Variants in AGBL4 observed in about 807,000 individuals in gnomAD.
The protein encoded by AGBL4 is AGBL carboxypeptidase 4.
A neutral mutation model predicts 66.4 loss-of-function variants in AGBL4; 58 were observed. The ratio of observed to expected loss-of-function variants is 0.87; its 90% CI spans 0.71 to 1.09. AGBL4 has a LOEUF of 1.09. AGBL4 is among the 50% of genes least tolerant of loss of function. The pLI is 0.00. For synonymous variants in AGBL4, 234 were observed against 222.9 expected (o/e 1.05, Z -0.44); for missense variants, 579 against 631.0 (o/e 0.92, Z 0.88).
At chr1:48,619,708 A>G (rs1645378289) in intron 9 of AGBL4, among the ~76,000 whole-genome samples, 1 of 152,174 alleles carries the variant, frequency 6.6e-6, no homozygotes, top group African/African-American at 2.4e-5. Flanking sequence ...TGAGTAAGTC[A>G]ATCCTCCCGA....
chr1:49,448,903 C>T (rs1295841816), intron 3 of AGBL4, among the ~76,000 whole-genome samples: 1 of 150,766 alleles, frequency 6.6e-6, no homozygotes, highest in African/African-American at 2.4e-5. Flanking sequence ...ATGATTAATA[C>T]TTAAGGGATA....
intron 3 of AGBL4, among the ~76,000 whole-genome samples, chr1:49,685,690 T>C (rs1646775538): frequency 6.6e-6 from 1 of 152,176 alleles, no homozygotes; most frequent in Admixed American, 6.5e-5. Flanking sequence ...TGTTGGCCCT[T>C]TGTATGTCTT....
At chr1:49,810,954 G>T (rs1645087385) in intron 2 of AGBL4, among the ~76,000 whole-genome samples, 1 of 152,154 alleles carries the variant, frequency 6.6e-6, no homozygotes, top group Admixed American at 6.6e-5. Context: ...GTCACAGAAA[G>T]GGTGGCACAG....
intron 4 of AGBL4, among the ~76,000 whole-genome samples, chr1:49,148,409 C>G (rs1189532415): frequency 6.6e-6 from 1 of 152,170 alleles, no homozygotes; most frequent in Non-Finnish European, 1.5e-5. Context: ...CAACACCCTA[C>G]CTACCTATTG....
chr1:48,600,555 G>A (rs1045583262), intron 9 of AGBL4, among the ~76,000 whole-genome samples: 6 of 152,202 alleles, frequency 3.9e-5, no homozygotes, highest in African/African-American at 1.4e-4. Context: ...TATTTATGCA[G>A]TACTTCTTAA....
intron 5 of AGBL4, among the ~76,000 whole-genome samples, chr1:48,915,885 TA>T (rs958448656): frequency 2.0e-5 from 3 of 151,516 alleles, no homozygotes; most frequent in Admixed American, 1.3e-4. Context: ...AGAAATAAAA[TA>T]AAAAAAATTA....
intron 4 of AGBL4, among the ~76,000 whole-genome samples, chr1:49,198,869 AC>A (rs1358681743): frequency 6.6e-6 from 1 of 151,886 alleles, no homozygotes; most frequent in Non-Finnish European, 1.5e-5. Flanking sequence ...TGGCCCGTCT[AC>A]CTATTTCTGA....
intron 1 of AGBL4, among the ~76,000 whole-genome samples, chr1:49,930,003 G>A (rs1444799262): frequency 6.6e-6 from 1 of 151,608 alleles, no homozygotes; most frequent in African/African-American, 2.4e-5. Context: ...TAAACAAAGA[G>A]AATAAAGTGA....
intron 3 of AGBL4, among the ~76,000 whole-genome samples, chr1:49,626,648 G>A (rs1300487167): frequency 1.3e-5 from 2 of 151,848 alleles, no homozygotes; most frequent in East Asian, 3.9e-4. Flanking sequence ...TCTACTCTGA[G>A]AATAGTGCCA....
intron 1 of AGBL4, among the ~76,000 whole-genome samples, chr1:49,903,447 CCT>C (rs931707996): frequency 1.3e-5 from 2 of 151,926 alleles, no homozygotes; most frequent in Admixed American, 6.6e-5. Flanking sequence ...ACACCGAACC[CCT>C]GTTACACACA....
Position 48,601,187 on chromosome 1 carries a change from T to G in AGBL4, c.952-10202A>C, listed in dbSNP as rs370560441. On this transcript the variant is annotated intron_variant, in intron 9 of 13. Coordinates refer to ENST00000371839, the MANE Select transcript of AGBL4 (RefSeq NM_032785.4). The stretch of plus-strand genomic sequence containing the variant: ...GGGGTCTGGTAGACTTGGCTTCAAG[T>G]GTTAGTTTCACCATGGTTGAGCTTT... 1.2e-4 allele frequency among the ~76,000 whole-genome samples: 19 copies of G among 152,244 alleles called. 1 individual carries two copies. The East Asian group carries it at 1.7e-3, about 14-fold the overall frequency.
At chr1:48,669,161 C>A (rs1646236684) in intron 6 of AGBL4, among the ~76,000 whole-genome samples, 1 of 152,182 alleles carries the variant, frequency 6.6e-6, no homozygotes, top group Non-Finnish European at 1.5e-5. Flanking sequence ...ACTGTGAGAC[C>A]TTGGGCCAAT....
At position 49,687,022 on chromosome 1, in the gene AGBL4, T is replaced by C. The variant is rs149476785; in HGVS notation, c.282+10291A>G. 6.9e-3 allele frequency among the ~76,000 whole-genome samples: 1,051 copies of C among 152,174 alleles called. 11 individuals are homozygous for C. The highest frequency in any genetic ancestry group is 0.024 in the African/African-American group (978 of 41,526). On this transcript the variant is annotated intron_variant, in intron 3 of 13. Transcript: ENST00000371839. ...AGGGAACTACAAGAAGGCCAATAAG[T>C]ATGTAAGTCAAAAGCAAACTGGATA...
intron 3 of AGBL4, among the ~76,000 whole-genome samples, chr1:49,312,739 T>C (rs2148462959): frequency 6.6e-6 from 1 of 152,194 alleles, no homozygotes; most frequent in Admixed American, 6.6e-5. Flanking sequence ...ACATCATACG[T>C]CAATTAGAGA....
At chr1:49,819,421 A>T (rs1042620908) in intron 2 of AGBL4, among the ~76,000 whole-genome samples, 23 of 152,236 alleles carry the variant, frequency 1.5e-4, no homozygotes, top group Non-Finnish European at 3.4e-4. Context: ...TGTGTGAAAC[A>T]GAAATATTGT....
intron 3 of AGBL4, among the ~76,000 whole-genome samples, chr1:49,395,579 CAT>C (rs1349184826): frequency 1.1e-3 from 157 of 139,898 alleles, no homozygotes; most frequent in African/African-American, 3.6e-3. Context: ...TATATATATA[CAT>C]GTGTGTGTGT....
intron 4 of AGBL4, among the ~76,000 whole-genome samples, chr1:49,239,774 G>A (rs990921898): frequency 1.2e-4 from 19 of 152,058 alleles, no homozygotes; most frequent in Admixed American, 1.1e-3. Context: ...ATATAGAAGT[G>A]TATAGAAATG....
At chr1:49,395,858 AATAT>A (rs144178600) in intron 3 of AGBL4, among the ~76,000 whole-genome samples, 17 of 126,222 alleles carry the variant, frequency 1.3e-4, no homozygotes, top group Non-Finnish European at 2.3e-4. Flanking sequence ...TACACACATA[AATAT>A]ATATATATAT....
chr1:49,386,268 T>G (rs1372956358), intron 3 of AGBL4, among the ~76,000 whole-genome samples: 1 of 23,074 alleles, frequency 4.3e-5, no homozygotes, highest in African/African-American at 1.3e-4. Flanking sequence ...TGGATGGATG[T>G]GTGTGTGTGT....
Sources: allele counts gnomAD v4.1 joint callset (sites outside exome capture counted in the v4.1 genomes callset), GRCh38; gene constraint gnomAD v4.1.1; transcripts MANE v1.5; gene names NCBI Gene and HGNC (gene_info 2026-07-23, HGNC 2026-07-21).